Variants in PLCB1 observed in about 807,000 individuals in gnomAD.
PLCB1 encodes 1-phosphatidylinositol 4,5-bisphosphate phosphodiesterase beta-1.
In PLCB1, 46 loss-of-function variants were observed where a neutral mutation model predicts 161.8. That is an observed-to-expected ratio of 0.28 (90% CI 0.22 to 0.36). The LOEUF is 0.36. Among genes scored for constraint, PLCB1 ranks in the 10% least tolerant of loss-of-function variants. The probability of loss-of-function intolerance (pLI) is 1.00; values close to 1 mark genes in which losing one functional copy is unlikely to be tolerated. For synonymous variants in PLCB1, 517 were observed against 503.7 expected (o/e 1.03, Z -0.35); for missense variants, 1,016 against 1,472.5 (o/e 0.69, Z 5.07).
chr20:8,656,968 G>A (rs1025129563), intron 7 of PLCB1, among the ~76,000 whole-genome samples: 1 of 151,964 alleles, frequency 6.6e-6, no homozygotes. Context: ...TAAAGCCAGT[G>A]TCCAAATGAA....
At chr20:8,166,474 A>G (rs1423530075) in intron 2 of PLCB1, among the ~76,000 whole-genome samples, 1 of 152,156 alleles carries the variant, frequency 6.6e-6, no homozygotes, top group Non-Finnish European at 1.5e-5. Flanking sequence ...TGTAAGTTGC[A>G]GTCCTTCTCT....
rs1202925460 is a variant in PLCB1 at position 8,276,974 on chromosome 20, C to CTTATTA, written c.178-94406_178-94405insATTATT. ...TCTTCTTCTTCTTCTTCTTCTTCTT[C>CTTATTA]TTCTTCTTCTTCTTATTATTATTAT... On this transcript the variant is annotated intron_variant, in intron 2 of 31. Coordinates refer to ENST00000338037, the MANE Select transcript of PLCB1 (RefSeq NM_015192.4). Among the ~76,000 whole-genome samples the CTTATTA allele has an allele frequency of 1.5e-3, 151 of 100,912 alleles. 1 individual carries two copies. Among genetic ancestry groups the CTTATTA allele is most frequent in the East Asian group, 3.1e-3 (12 of 3,912 alleles). 66.2% of individuals were successfully genotyped at this position (100,912 alleles called of 152,430 possible).
At position 8,188,313 on chromosome 20, in the gene PLCB1, C is replaced by T. The variant is rs191894579; in HGVS notation, c.177+37942C>T. 1.7e-3 allele frequency among the ~76,000 whole-genome samples: 266 copies of T among 152,202 alleles called. 2 individuals carry two copies. The highest frequency in any genetic ancestry group is 4.3e-3 in the African/African-American group (180 of 41,534). The stretch of plus-strand genomic sequence containing the variant: ...AAGCAAGTTACATGGCCAAGCCCAA[C>T]ATCAAATGGTCTAGTGGGAGGGGCT... On this transcript the variant is annotated intron_variant, in intron 2 of 31. Transcript: ENST00000338037.
intron 2 of PLCB1, among the ~76,000 whole-genome samples, chr20:8,163,579 C>T (rs2051647049): frequency 6.6e-6 from 1 of 152,162 alleles, no homozygotes; most frequent in African/African-American, 2.4e-5. Context: ...CTTGCTTGGC[C>T]TGTGCAAATA....
chr20:8,309,922 A>G (rs1338076723), intron 2 of PLCB1, among the ~76,000 whole-genome samples: 1 of 152,202 alleles, frequency 6.6e-6, no homozygotes, highest in Admixed American at 6.5e-5. Context: ...TTCAGGTTAT[A>G]TATTGCTACT....
chr20:8,138,381 C>G (rs2051369654), intron 1 of PLCB1, among the ~76,000 whole-genome samples: 1 of 152,164 alleles, frequency 6.6e-6, no homozygotes, highest in African/African-American at 2.4e-5. Flanking sequence ...ACAAGAATCG[C>G]CAGCAGAAAA....
At chr20:8,160,478 C>T (rs555465097) in intron 2 of PLCB1, among the ~76,000 whole-genome samples, 2 of 152,344 alleles carry the variant, frequency 1.3e-5, no homozygotes, top group East Asian at 3.9e-4. Context: ...TACAGTTCCA[C>T]GTGGCTGGGG....
intron 3 of PLCB1, among the ~76,000 whole-genome samples, chr20:8,614,419 T>C (rs576457824): frequency 3.9e-5 from 6 of 152,024 alleles, no homozygotes; most frequent in Non-Finnish European, 7.4e-5. Context: ...TGTCCAATGA[T>C]GAGAAATATG....
chr20:8,421,130 A>G (rs1979521493), intron 3 of PLCB1, among the ~76,000 whole-genome samples: 2 of 152,200 alleles, frequency 1.3e-5, no homozygotes, highest in Admixed American at 6.5e-5. Context: ...GAGAAAGTGA[A>G]TTATAGAACC....
In PLCB1 at chr20:8,732,587, G is replaced by A. The variant is rs988633311; in HGVS notation, c.1889-651G>A. ...ATTAGATATTATATTCTAATATATT[G>A]TATTAGATAGTGTATCATATTAGAA... On this transcript the variant is annotated intron_variant, in intron 18 of 31. Transcript: ENST00000338037. Among the ~76,000 whole-genome samples the A allele has an allele frequency of 1.4e-5, 2 of 144,488 alleles. 1 individual carries two copies. The highest frequency in any genetic ancestry group is 1.4e-4 in the Admixed American group (2 of 14,336). The allele number at this position is 144,488 out of a possible 152,430, so 94.8% of individuals were successfully genotyped here.
At chr20:8,309,752 C>T (rs972463463) in intron 2 of PLCB1, among the ~76,000 whole-genome samples, 2 of 152,146 alleles carry the variant, frequency 1.3e-5, no homozygotes, top group African/African-American at 4.8e-5. Context: ...TCAGCAATGC[C>T]ATGCTGGTTT....
At chr20:8,248,951 G>C (rs1981012645) in intron 2 of PLCB1, among the ~76,000 whole-genome samples, 1 of 151,898 alleles carries the variant, frequency 6.6e-6, no homozygotes, top group African/African-American at 2.4e-5. Flanking sequence ...TACTTCTAAA[G>C]AGGTATGGTC....
chr20:8,856,216 AT>A (rs1342456182), intron 31 of PLCB1, among the ~76,000 whole-genome samples: 3 of 152,082 alleles, frequency 2.0e-5, no homozygotes, highest in Admixed American at 6.6e-5. Context: ...ATAACACTTT[AT>A]TTTTTTATCT....
At chr20:8,135,469 A>G in intron 1 of PLCB1, among the ~76,000 whole-genome samples, 1 of 152,148 alleles carries the variant, frequency 6.6e-6, no homozygotes, top group African/African-American at 2.4e-5. Context: ...GGATGCTCTA[A>G]GGGTGGTAGT....
At chr20:8,341,104 C>A (rs545908388) in intron 2 of PLCB1, among the ~76,000 whole-genome samples, 1 of 152,178 alleles carries the variant, frequency 6.6e-6, no homozygotes, top group South Asian at 2.1e-4. Context: ...ACCATGCCCC[C>A]CTCCCATATA....
chr20:8,614,689 T>C (rs903541094), intron 3 of PLCB1, among the ~76,000 whole-genome samples: 3 of 151,892 alleles, frequency 2.0e-5, no homozygotes, highest in Admixed American at 6.6e-5. Flanking sequence ...CTCATGTTGC[T>C]ACTTAAATCT....
chr20:8,771,806 A>C (rs553091596), intron 26 of PLCB1, among the ~76,000 whole-genome samples: 5 of 152,286 alleles, frequency 3.3e-5, no homozygotes, highest in Admixed American at 6.5e-5. Flanking sequence ...ATGCAATAAA[A>C]TCCTGAAAAC....
intron 3 of PLCB1, among the ~76,000 whole-genome samples, chr20:8,409,754 C>T (rs1403295585): frequency 2.0e-5 from 3 of 152,066 alleles, no homozygotes; most frequent in African/African-American, 7.2e-5. Context: ...TGAGCCACTG[C>T]ACCCAGCTGG....
intron 3 of PLCB1, among the ~76,000 whole-genome samples, chr20:8,532,516 C>T (rs73593784): frequency 0.025 from 3,767 of 152,272 alleles, 147 homozygotes; most frequent in African/African-American, 0.078. Context: ...CATTTGTTGT[C>T]AGCTTTCATT....
Sources: gnomAD v4.1 joint callset for allele counts (sites outside exome capture counted in the v4.1 genomes callset) on GRCh38, gnomAD v4.1.1 for gene constraint, MANE v1.5 for transcripts, NCBI Gene and HGNC (gene_info 2026-07-23, HGNC 2026-07-21) for gene names.